SEMA5A: variants seen among roughly 807,000 people sequenced by gnomAD.
SEMA5A encodes the protein semaphorin-5A.
Under a neutral mutation model 135.5 loss-of-function variants are expected in SEMA5A, and 55 were observed. The ratio of observed to expected loss-of-function variants is 0.41; its 90% CI spans 0.33 to 0.51. The LOEUF (loss-of-function observed/expected upper bound fraction) is 0.51, where lower values mean the gene tolerates loss of function less well. Ranked by LOEUF, SEMA5A falls within the 20% of genes least tolerant of loss-of-function variation. The pLI, the probability that SEMA5A is intolerant of heterozygous loss-of-function variation, is 0.37. For missense variants in SEMA5A, 1,290 were observed against 1,419.9 expected (o/e 0.91, Z 1.47); for synonymous variants, 580 against 546.5 (o/e 1.06, Z -0.85).
intron 16 of SEMA5A, among the ~76,000 whole-genome samples, chr5:9,093,103 G>T (rs1395301012): frequency 6.6e-6 from 1 of 152,100 alleles, no homozygotes; most frequent in Non-Finnish European, 1.5e-5. Context: ...AGTTTTTTAA[G>T]ATTAGGAGTA....
chr5:9,361,647 A>G (rs1478551009), intron 3 of SEMA5A, among the ~76,000 whole-genome samples: 1 of 152,194 alleles, frequency 6.6e-6, no homozygotes, highest in Non-Finnish European at 1.5e-5. Flanking sequence ...ACTCTGTCTC[A>G]TCCACATCAT....
Position 9,109,027 on chromosome 5 carries a change from A to ATTTTTTTTTTTTTTTTTTTT in SEMA5A, c.1926-741_1926-740insAAAAAAAAAAAAAAAAAAAA, listed in dbSNP as rs1305606521. ...ATCATGAGTCATATTATTTCTCTTC[A>ATTTTTTTTTTTTTTTTTTTT]ATTTTTTTTTTTTTTTTTTTTTTTT... On this transcript the variant is annotated intron_variant, in intron 15 of 22. Coordinates refer to ENST00000382496, the MANE Select transcript of SEMA5A (RefSeq NM_003966.3). Among the ~76,000 whole-genome samples, 3 of 118,924 alleles carry ATTTTTTTTTTTTTTTTTTTT rather than the reference A, an allele frequency of 2.5e-5. 1 individual carries two copies. The highest frequency in any genetic ancestry group is 5.2e-4 in the East Asian group (2 of 3,816). 78.0% of individuals were successfully genotyped at this position (118,924 alleles called of 152,430 possible).
intron 11 of SEMA5A, among the ~76,000 whole-genome samples, chr5:9,188,107 C>T (rs1744905596): frequency 6.6e-6 from 1 of 152,066 alleles, no homozygotes; most frequent in Non-Finnish European, 1.5e-5. Flanking sequence ...GTGATTAGGT[C>T]ATTAGGATTG....
chr5:9,353,056 AAAGG>A (rs1561176383), intron 3 of SEMA5A, among the ~76,000 whole-genome samples: 4 of 81,954 alleles, frequency 4.9e-5, no homozygotes, highest in South Asian at 4.9e-4. Flanking sequence ...GAAGGAAAGG[AAAGG>A]AAGGAAAGGA....
chr5:9,385,558 A>G (rs572719056), intron 2 of SEMA5A, among the ~76,000 whole-genome samples: 10 of 152,274 alleles, frequency 6.6e-5, no homozygotes, highest in Admixed American at 3.3e-4. Flanking sequence ...TGATGGCATT[A>G]GAGACTTGCT....
intron 16 of SEMA5A, among the ~76,000 whole-genome samples, chr5:9,088,935 C>G (rs1408560961): frequency 6.6e-6 from 1 of 152,150 alleles, no homozygotes. Context: ...TGATAGCTCA[C>G]AAATGCTGTG....
intron 2 of SEMA5A, among the ~76,000 whole-genome samples, chr5:9,429,512 A>T (rs1332654875): frequency 6.6e-6 from 1 of 152,228 alleles, no homozygotes; most frequent in Non-Finnish European, 1.5e-5. Context: ...AAAATATCTC[A>T]TGTATCAGAC....
chr5:9,230,689 A>G (rs1274005163), intron 6 of SEMA5A, among the ~76,000 whole-genome samples: 3 of 152,088 alleles, frequency 2.0e-5, no homozygotes, highest in Non-Finnish European at 4.4e-5. Flanking sequence ...GAATTTTTAT[A>G]AAATGATGGA....
intron 2 of SEMA5A, among the ~76,000 whole-genome samples, chr5:9,433,198 A>G (rs1408107118): frequency 6.6e-6 from 1 of 152,184 alleles, no homozygotes; most frequent in African/African-American, 2.4e-5. Context: ...AGGTTTTAAA[A>G]AGCAAAACTA....
At chr5:9,441,209 A>G (rs1413871115) in intron 1 of SEMA5A, among the ~76,000 whole-genome samples, 1 of 152,234 alleles carries the variant, frequency 6.6e-6, no homozygotes, top group African/African-American at 2.4e-5. Context: ...TATGTAGTTC[A>G]GTATATACTA....
At chr5:9,195,333 T>C (rs993114232) in intron 10 of SEMA5A, among the ~76,000 whole-genome samples, 8 of 152,014 alleles carry the variant, frequency 5.3e-5, no homozygotes, top group Non-Finnish European at 1.0e-4. Context: ...GCCTGGCTAA[T>C]TTTTTTTATT....
chr5:9,533,023 T>A (rs1028895489), intron 1 of SEMA5A, among the ~76,000 whole-genome samples: 1 of 152,214 alleles, frequency 6.6e-6, no homozygotes, highest in African/African-American at 2.4e-5. Context: ...TGCTTACAAA[T>A]AGAGGTTATT....
At chr5:9,401,376 A>G (rs1291420352) in intron 2 of SEMA5A, among the ~76,000 whole-genome samples, 2 of 152,218 alleles carry the variant, frequency 1.3e-5, no homozygotes, top group African/African-American at 4.8e-5. Context: ...AATGTTTCCC[A>G]TGGTGTCCAC....
chr5:9,053,239 G>T (rs1405595264), intron 19 of SEMA5A, among the ~76,000 whole-genome samples: 1 of 152,188 alleles, frequency 6.6e-6, no homozygotes, highest in Admixed American at 6.5e-5. Flanking sequence ...GCCACAGGGA[G>T]CTTGAAGCGA....
chr5:9,078,515 C>G (rs1323189633), intron 16 of SEMA5A, among the ~76,000 whole-genome samples: 1 of 151,084 alleles, frequency 6.6e-6, no homozygotes, highest in East Asian at 1.9e-4. Context: ...ACCCCAGATT[C>G]TTTGAAGGAC....
At chr5:9,123,779 T>A (rs1426397633) in intron 13 of SEMA5A, among the ~76,000 whole-genome samples, 1 of 152,184 alleles carries the variant, frequency 6.6e-6, no homozygotes, top group African/African-American at 2.4e-5. Context: ...GTTAAGAATA[T>A]CCCAGTCAAA....
Position 9,084,138 on chromosome 5 carries a change from A to C in SEMA5A, c.2074-17492T>G, listed in dbSNP as rs550401611. Among the ~76,000 whole-genome samples the C allele has an allele frequency of 6.6e-5, 10 of 152,354 alleles. No individual in the cohort carries two copies. The South Asian group carries it at 1.5e-3, about 22-fold the overall frequency. On this transcript the variant is annotated intron_variant, in intron 16 of 22. Transcript: ENST00000382496. ...GTCAAAAATAGTAAGTTATCAAAAT[A>C]GTTGGATGCAAATGTTATTTTTTAA... is the stretch of plus-strand genomic sequence containing the variant.
At chr5:9,291,705 T>C (rs1751089241) in intron 5 of SEMA5A, among the ~76,000 whole-genome samples, 1 of 150,834 alleles carries the variant, frequency 6.6e-6, no homozygotes, top group Non-Finnish European at 1.5e-5. Context: ...GAACCTCCAG[T>C]CCAAGCAGCC....
chr5:9,408,944 T>C (rs2463503), intron 2 of SEMA5A, among the ~76,000 whole-genome samples: 133,567 of 152,228 alleles, frequency 0.88, 58,732 homozygotes, highest in East Asian at 0.98. Context: ...TGAGAGCACG[T>C]TGAAGAAAAT....
Sources: allele counts gnomAD v4.1 joint callset (sites outside exome capture counted in the v4.1 genomes callset), GRCh38; gene constraint gnomAD v4.1.1; transcripts MANE v1.5; gene names NCBI Gene and HGNC (gene_info 2026-07-23, HGNC 2026-07-21).